ST18: variants seen among roughly 807,000 people sequenced by gnomAD.
The protein encoded by ST18 is ST18 C2H2C-type zinc finger transcription factor, also known as suppression of tumorigenicity 18 protein.
Under a neutral mutation model 110.0 loss-of-function variants are expected in ST18, and 50 were observed. The ratio of observed to expected loss-of-function variants is 0.45; its 90% CI spans 0.36 to 0.58. The LOEUF (loss-of-function observed/expected upper bound fraction) is 0.58. Among genes scored for constraint, ST18 ranks in the 20% least tolerant of loss-of-function variants. The pLI is 0.00. For missense variants in ST18, 1,306 were observed against 1,280.1 expected, an observed-to-expected ratio of 1.02 and a Z score of -0.31; for synonymous variants, 461 against 452.4, an observed-to-expected ratio of 1.02 and a Z score of -0.24.
chr8:52,114,072 C>T (rs955439018), intron 25 of ST18, among the ~76,000 whole-genome samples: 6 of 140,770 alleles, frequency 4.3e-5, no homozygotes, highest in Admixed American at 7.7e-5. Context: ...CAGGTTCAAG[C>T]GATTCTCCTG....
intron 2 of ST18, among the ~76,000 whole-genome samples, chr8:52,402,878 C>T (rs562607436): frequency 3.9e-5 from 6 of 152,256 alleles, no homozygotes; most frequent in African/African-American, 1.4e-4. Context: ...TCTCTGGGGG[C>T]CAGTATACCA....
At chr8:52,113,954 GTTTTTTTTTTTTTTTTTTTTT>G (rs1158213340) in intron 25 of ST18, among the ~76,000 whole-genome samples, 6 of 45,444 alleles carry the variant, frequency 1.3e-4, no homozygotes, top group Non-Finnish European at 1.5e-4. Context: ...TTCATACCGT[GTTTTTTTTTTTTTTTTTTTTT>G]TTTTTTTTTT....
At chr8:52,119,055 G>A (rs1261009765) in intron 23 of ST18, among the ~76,000 whole-genome samples, 2 of 152,174 alleles carry the variant, frequency 1.3e-5, no homozygotes, top group Admixed American at 6.5e-5. Flanking sequence ...ACGTGGACAT[G>A]GATGAGGAAA....
At chr8:52,191,074 A>T (rs188414691) in intron 8 of ST18, among the ~76,000 whole-genome samples, 120 of 152,284 alleles carry the variant, frequency 7.9e-4, no homozygotes, top group Admixed American at 3.4e-3. Context: ...TGAATCACAC[A>T]TTGAGAGACA....
chr8:52,280,678 C>T (rs4639533), intron 2 of ST18, among the ~76,000 whole-genome samples: 28,488 of 151,938 alleles, frequency 0.19, 2,983 homozygotes, highest in Middle Eastern at 0.28. Flanking sequence ...TTATCAGGAA[C>T]ATATAACAAT....
chr8:52,348,727 A>G (rs190798580), intron 2 of ST18, among the ~76,000 whole-genome samples: 438 of 152,276 alleles, frequency 2.9e-3, no homozygotes, highest in Non-Finnish European at 4.5e-3. Context: ...CTGAGCAAAA[A>G]AATGCAAAAC....
intron 9 of ST18, among the ~76,000 whole-genome samples, chr8:52,179,411 G>A (rs778523285): frequency 2.0e-5 from 3 of 152,176 alleles, no homozygotes; most frequent in Non-Finnish European, 2.9e-5. Flanking sequence ...TGCACCTAAA[G>A]AGAAACTTAA....
At chr8:52,208,576 C>T (rs1204965163) in intron 8 of ST18, among the ~76,000 whole-genome samples, 3 of 152,220 alleles carry the variant, frequency 2.0e-5, no homozygotes, top group African/African-American at 7.2e-5. Context: ...CCTGTAATCC[C>T]AGCACTTTGG....
intron 9 of ST18, among the ~76,000 whole-genome samples, chr8:52,176,719 G>A (rs1025990745): frequency 1.3e-5 from 2 of 152,190 alleles, no homozygotes; most frequent in African/African-American, 2.4e-5. Context: ...AATGAATCCC[G>A]GCATAGATGT....
chr8:52,307,242 A>G (rs1040938389), intron 2 of ST18, among the ~76,000 whole-genome samples: 3 of 152,274 alleles, frequency 2.0e-5, no homozygotes, highest in Non-Finnish European at 1.5e-5. Context: ...AATTACCAGT[A>G]CCCATAAAAT....
intron 2 of ST18, among the ~76,000 whole-genome samples, chr8:52,283,100 G>A (rs1022872443): frequency 6.6e-6 from 1 of 152,212 alleles, no homozygotes; most frequent in African/African-American, 2.4e-5. Flanking sequence ...CATTCTGGAT[G>A]TATTTTGGTT....
At chr8:52,370,197 G>A (rs2140590718) in intron 2 of ST18, among the ~76,000 whole-genome samples, 1 of 152,336 alleles carries the variant, frequency 6.6e-6, no homozygotes, top group East Asian at 1.9e-4. Flanking sequence ...ATTCAGGGTT[G>A]AGGTGAGGGG....
At chr8:52,123,774 T>C (rs1175701824) in intron 23 of ST18, among the ~76,000 whole-genome samples, 2 of 152,358 alleles carry the variant, frequency 1.3e-5, no homozygotes, top group African/African-American at 2.4e-5. Flanking sequence ...GCAAGTCTAT[T>C]GTGGGTTCAG....
At chr8:52,276,147 ACACCACG>A (rs2095245010) in intron 2 of ST18, among the ~76,000 whole-genome samples, 1 of 2,662 alleles carries the variant, frequency 3.8e-4, no homozygotes, top group Non-Finnish European at 1.0e-3. Context: ...CACCACATGC[ACACCACG>A]CACCACACAT....
chr8:52,344,479 C>A (rs1816748134), intron 2 of ST18, among the ~76,000 whole-genome samples: 1 of 151,944 alleles, frequency 6.6e-6, no homozygotes, highest in African/African-American at 2.4e-5. Context: ...CGGCTCACTG[C>A]AACCTCCACC....
chr8:52,371,370 C>A (rs1285450431), intron 2 of ST18, among the ~76,000 whole-genome samples: 1 of 152,130 alleles, frequency 6.6e-6, no homozygotes, highest in Non-Finnish European at 1.5e-5. Context: ...TTTTTGCAAA[C>A]CAATCATTTG....
At chr8:52,249,991 C>T (rs887241458) in intron 2 of ST18, among the ~76,000 whole-genome samples, 3 of 151,990 alleles carry the variant, frequency 2.0e-5, no homozygotes, top group Non-Finnish European at 4.4e-5. Flanking sequence ...ACCCCCTACC[C>T]AAGCAGCCTC....
intron 2 of ST18, among the ~76,000 whole-genome samples, chr8:52,386,548 T>C (rs7388534): frequency 0.76 from 115,448 of 152,006 alleles, 49,047 homozygotes; most frequent in Non-Finnish European, 0.94. Context: ...AAGCTAATGT[T>C]AAAACAAAAT....
At chr8:52,158,868 C>T in intron 15 of ST18, 30 bp downstream of exon 15, 1 of 1,612,798 alleles carries the variant, frequency 6.2e-7, no homozygotes, top group Non-Finnish European at 8.5e-7. Context: ...CAGTCGCTGG[C>T]CCACCCTCCG....
Sources: allele counts gnomAD v4.1 joint callset (sites outside exome capture counted in the v4.1 genomes callset), GRCh38; gene constraint gnomAD v4.1.1; transcripts MANE v1.5; gene names NCBI Gene and HGNC (gene_info 2026-07-23, HGNC 2026-07-21).